Variants in PLA2R1 observed in about 807,000 individuals in gnomAD.
PLA2R1 encodes phospholipase A2 receptor 1, also known as secretory phospholipase A2 receptor.
A neutral mutation model predicts 195.9 loss-of-function variants in PLA2R1; 158 were observed. The observed-to-expected ratio is 0.81, with a 90% confidence interval of 0.71 to 0.92. PLA2R1 has a LOEUF of 0.92. PLA2R1 is among the 40% of genes least tolerant of loss of function. The pLI, the probability that PLA2R1 is intolerant of heterozygous loss-of-function variation, is 0.00. For missense variants in PLA2R1, 1,626 were observed against 1,764.6 expected (o/e 0.92, Z 1.41); for synonymous variants, 586 against 598.2 (o/e 0.98, Z 0.30).
At chr2:159,957,195 G>A (rs1688146801) in intron 20 of PLA2R1, among the ~76,000 whole-genome samples, 2 of 152,096 alleles carry the variant, frequency 1.3e-5, no homozygotes, top group Non-Finnish European at 2.9e-5. Context: ...CAGAAAGCAA[G>A]GGTATGACCA....
chr2:159,986,315 AC>A (rs1177049681), intron 12 of PLA2R1, among the ~76,000 whole-genome samples: 1 of 152,170 alleles, frequency 6.6e-6, no homozygotes, highest in Non-Finnish European at 1.5e-5. Context: ...ATTAAAAAAA[AC>A]AAATCTGAAA....
At chr2:159,973,687 T>G (rs112368048) in intron 17 of PLA2R1, among the ~76,000 whole-genome samples, 3 of 152,296 alleles carry the variant, frequency 2.0e-5, no homozygotes, top group African/African-American at 7.2e-5. Context: ...ATAGTGTTTT[T>G]TTATAGCAGC....
chr2:160,044,464 C>A (rs1157176237), intron 2 of PLA2R1, among the ~76,000 whole-genome samples: 2 of 152,132 alleles, frequency 1.3e-5, no homozygotes, highest in Non-Finnish European at 2.9e-5. Flanking sequence ...CCGTCCTTTT[C>A]TCTCTCCCTC....
chr2:159,961,016 G>A lies in PLA2R1; in HGVS notation c.2905-4389C>T, dbSNP rs113670300. ...GTTAATAGGGAAAAACCATCCCACCGCTCTCAGCTATCAACTCTCCTATTA... is the reference window on the plus strand; with the variant it reads ...GTTAATAGGGAAAAACCATCCCACCACTCTCAGCTATCAACTCTCCTATTA... On this transcript the variant is annotated intron_variant, in intron 20 of 29. Transcript: ENST00000283243. Among the ~76,000 whole-genome samples, 368 of 152,204 alleles carry A rather than the reference G, an allele frequency of 2.4e-3. 1 individual carries two copies. The highest frequency in any genetic ancestry group is 4.6e-3 in the Non-Finnish European group (314 of 67,996).
chr2:160,015,247 A>T (rs573851078), intron 9 of PLA2R1, among the ~76,000 whole-genome samples: 19 of 152,376 alleles, frequency 1.2e-4, no homozygotes, highest in Admixed American at 6.5e-4. Flanking sequence ...GTGACTCAGA[A>T]GGAAAAACAA....
intron 12 of PLA2R1, among the ~76,000 whole-genome samples, chr2:159,985,149 T>C (rs768658945): frequency 9.9e-5 from 15 of 152,226 alleles, no homozygotes; most frequent in Non-Finnish European, 1.2e-4. Flanking sequence ...ATAATCGTGA[T>C]CTTGGGCAAA....
intron 13 of PLA2R1, among the ~76,000 whole-genome samples, chr2:159,983,095 T>C (rs1357515939): frequency 6.6e-6 from 1 of 152,124 alleles, no homozygotes; most frequent in African/African-American, 2.4e-5. Flanking sequence ...TCTTCAAATA[T>C]TTGAAAATAG....
At chr2:159,972,449 T>G (rs1689254536) in intron 17 of PLA2R1, among the ~76,000 whole-genome samples, 1 of 152,190 alleles carries the variant, frequency 6.6e-6, no homozygotes, top group Non-Finnish European at 1.5e-5. Flanking sequence ...AAACAGCCAT[T>G]ATAGTTAGCA....
intron 7 of PLA2R1, 130 bp from the exon 8 acceptor site, chr2:160,020,393 G>T: frequency 1.6e-6 from 1 of 635,624 alleles, no homozygotes. Flanking sequence ...GATGAAATCT[G>T]TTTAAGTCTT....
rs149083774 is a variant in PLA2R1 at position 160,030,372 on chromosome 2, C to T, written c.842-1409G>A. On this transcript the variant is annotated intron_variant, in intron 4 of 29. Coordinates refer to ENST00000283243, the MANE Select transcript of PLA2R1 (RefSeq NM_007366.5). ...TTTCAATAGCACCATTCGATTGAAT[C>T]GTTTAGCAGGTCTTATGATGATAAG... Among the ~76,000 whole-genome samples the T allele has an allele frequency of 9.2e-5, 14 of 152,264 alleles. No homozygotes were observed. In the East Asian group the frequency reaches 2.7e-3, roughly 29 times the overall value.
intron 17 of PLA2R1, among the ~76,000 whole-genome samples, chr2:159,975,226 A>G (rs1412473262): frequency 2.0e-5 from 3 of 152,208 alleles, no homozygotes; most frequent in Non-Finnish European, 4.4e-5. Context: ...TGTATACAAC[A>G]TGATGTTTTA....
intron 2 of PLA2R1, 24 bp downstream of exon 2, chr2:160,044,748 TGA>T (rs1473583050): frequency 6.3e-7 from 1 of 1,586,984 alleles, no homozygotes; most frequent in Non-Finnish European, 8.6e-7. Context: ...CACCATTCCC[TGA>T]GTGCTTCTTT....
At chr2:159,945,521 A>G (rs1185875128) in intron 27 of PLA2R1, among the ~76,000 whole-genome samples, 3 of 152,280 alleles carry the variant, frequency 2.0e-5, no homozygotes, top group Admixed American at 2.0e-4. Context: ...TACAAAGGAC[A>G]TGAACTCATC....
chr2:160,030,393 A>G (rs1693782157), intron 4 of PLA2R1, among the ~76,000 whole-genome samples: 1 of 152,236 alleles, frequency 6.6e-6, no homozygotes, highest in East Asian at 1.9e-4. Context: ...TCTTATGATG[A>G]TAAGAAGTGA....
chr2:159,986,315 A>C (rs2105316872), intron 12 of PLA2R1, among the ~76,000 whole-genome samples: 1 of 152,288 alleles, frequency 6.6e-6, no homozygotes, highest in African/African-American at 2.4e-5. Context: ...ATTAAAAAAA[A>C]CAAATCTGAA....
chr2:160,034,661 A>G (rs1301280793), intron 3 of PLA2R1, among the ~76,000 whole-genome samples: 1 of 152,216 alleles, frequency 6.6e-6, no homozygotes, highest in African/African-American at 2.4e-5. Context: ...GGACAGTCAC[A>G]GTGGCTCATG....
In PLA2R1 at chr2:159,939,724, T is replaced by C. The variant is rs1687006795; in HGVS notation, c.*2054A>G. ...TCTTTCTGCAAAATCACTTTCCTAATGGTGTATTTTGTCAAATTATTATGT... is the reference window on the plus strand; with the variant it reads ...TCTTTCTGCAAAATCACTTTCCTAACGGTGTATTTTGTCAAATTATTATGT... On this transcript the variant is annotated 3_prime_UTR_variant, in exon 30 of 30. Transcript: ENST00000283243. The C allele has an allele frequency of 6.6e-6, 1 of 152,116 alleles. No individual in the cohort carries two copies. Among genetic ancestry groups the C allele is most frequent in the South Asian group, 2.1e-4 (1 of 4,830 alleles). The allele number at this position is 152,116 out of a possible 1,614,324, so 9.4% of individuals were successfully genotyped here. A position where few individuals can be genotyped will look rare whatever the true frequency, so the allele number is the denominator to read the frequency against.
intron 26 of PLA2R1, 39 bp from the exon 27 acceptor site, chr2:159,946,956 A>C (rs1687427458): frequency 3.2e-6 from 4 of 1,252,032 alleles, no homozygotes; most frequent in Non-Finnish European, 4.6e-6. Context: ...ATTTGTGTTT[A>C]CACATAAATA....
At chr2:159,943,207 T>G (rs868217492) in intron 28 of PLA2R1, among the ~76,000 whole-genome samples, 6 of 152,262 alleles carry the variant, frequency 3.9e-5, no homozygotes, top group Admixed American at 6.5e-5. Context: ...TGACCTCAAG[T>G]GATCCAGCTG....
Sources: allele counts gnomAD v4.1 joint callset (sites outside exome capture counted in the v4.1 genomes callset), GRCh38; gene constraint gnomAD v4.1.1; transcripts MANE v1.5; gene names NCBI Gene and HGNC (gene_info 2026-07-23, HGNC 2026-07-21).